Variants in SCP2 observed in about 807,000 individuals in gnomAD.
The protein encoded by SCP2 is sterol carrier protein 2, also known as SCP-2/3-oxoacyl-CoA thiolase.
Under a neutral mutation model 71.4 loss-of-function variants are expected in SCP2, and 48 were observed. The ratio of observed to expected loss-of-function variants is 0.67; its 90% CI spans 0.53 to 0.86. The LOEUF (loss-of-function observed/expected upper bound fraction) is 0.86. Among genes scored for constraint, SCP2 ranks in the 40% least tolerant of loss-of-function variants. SCP2 has a pLI of 0.00. For synonymous variants in SCP2, 220 were observed against 218.1 expected (o/e 1.01, Z -0.08); for missense variants, 560 against 655.6 (o/e 0.85, Z 1.59).
chr1:52,956,623 C>T (rs576283453), intron 5 of SCP2, among the ~76,000 whole-genome samples: 54 of 152,190 alleles, frequency 3.5e-4, no homozygotes, highest in Non-Finnish European at 4.1e-4. Flanking sequence ...GCATCATGAG[C>T]CTAGTCATGG....
intron 11 of SCP2, among the ~76,000 whole-genome samples, chr1:53,003,612 T>G (rs933128322): frequency 2.6e-5 from 4 of 152,182 alleles, no homozygotes; most frequent in Non-Finnish European, 4.4e-5. Flanking sequence ...CTCTACTTCC[T>G]GGGCTCAAGT....
Position 52,944,017 on chromosome 1 carries a change from G to A in SCP2, c.127+2164G>A, listed in dbSNP as rs1654534422. ...GTGCTGGTGATAGAGAGGGGCAGCAGTGCTGGAACACCTAAATAAATGTTT... is the reference window on the plus strand; with the variant it reads ...GTGCTGGTGATAGAGAGGGGCAGCAATGCTGGAACACCTAAATAAATGTTT... On this transcript the variant is annotated intron_variant, in intron 2 of 15. Transcript: ENST00000371514. 3.3e-5 allele frequency: 7 copies of A among 212,414 alleles called. No homozygotes were observed. The South Asian group carries it at 6.3e-4, about 19-fold the overall frequency. The allele number at this position is 212,414 out of a possible 1,614,324, so 13.2% of individuals were successfully genotyped here. A position where few individuals can be genotyped will look rare whatever the true frequency, so the allele number is the denominator to read the frequency against.
At chr1:52,970,369 C>A (rs1312809568) in intron 6 of SCP2, among the ~76,000 whole-genome samples, 1 of 152,162 alleles carries the variant, frequency 6.6e-6, no homozygotes, top group South Asian at 2.1e-4. Flanking sequence ...CCTGTCTCAG[C>A]GTCCTGAGTC....
In SCP2 at chr1:53,014,895, G is replaced by A; in HGVS notation, c.1087G>A (p.Ala363Thr). 1.2e-6 allele frequency: 2 copies of A among 1,613,016 alleles called. No homozygotes were observed. Among genetic ancestry groups the A allele is most frequent in the Non-Finnish European group, 1.7e-6 (2 of 1,179,844 alleles). ...KGHPLGATGL[A>T]QCAELCWQLR... ...CTCTGTGTTCGATTTGTTAGGTCTT[G>A]CTCAGTGTGCAGAACTCTGCTGGCA... Residue 363 changes from alanine to threonine, a missense_variant, in exon 12 of 16, where the codon GCT becomes ACT. Coordinates refer to ENST00000371514, the MANE Select transcript of SCP2 (RefSeq NM_002979.5).
intron 11 of SCP2, chr1:52,995,710 C>T (rs1469370312): frequency 8.1e-5 from 61 of 757,122 alleles, no homozygotes; most frequent in Middle Eastern, 2.5e-4. Context: ...ACAGCAGCTA[C>T]TTTGTGGAGT....
chr1:53,021,098 C>G (rs1336062454), intron 12 of SCP2, among the ~76,000 whole-genome samples: 1 of 151,962 alleles, frequency 6.6e-6, no homozygotes, highest in Non-Finnish European at 1.5e-5. Context: ...CTCGACCTCC[C>G]CAGGCTCAGA....
intron 14 of SCP2, among the ~76,000 whole-genome samples, chr1:53,043,695 T>C (rs138765565): frequency 4.9e-4 from 74 of 152,304 alleles, no homozygotes; most frequent in African/African-American, 1.6e-3. Context: ...AATGCTGATA[T>C]TATAGCAGCA....
intron 12 of SCP2, among the ~76,000 whole-genome samples, chr1:53,015,835 C>G (rs1293408103): frequency 6.6e-6 from 1 of 152,180 alleles, no homozygotes; most frequent in East Asian, 1.9e-4. Context: ...TTTTACCTCA[C>G]CACTGAGGTC....
chr1:52,984,593 A>G (rs767494983), intron 10 of SCP2, among the ~76,000 whole-genome samples: 7 of 150,238 alleles, frequency 4.7e-5, no homozygotes, highest in Non-Finnish European at 1.0e-4. Context: ...GCTGGAGTGC[A>G]GTGGCGCTAT....
chr1:53,007,214 TCAA>T (rs1205451443), intron 11 of SCP2, among the ~76,000 whole-genome samples: 1 of 151,702 alleles, frequency 6.6e-6, no homozygotes, highest in Non-Finnish European at 1.5e-5. Context: ...CAACATTAGA[TCAA>T]CGAGAGAGAA....
chr1:52,999,534 A>G (rs1350514927), intron 11 of SCP2, among the ~76,000 whole-genome samples: 1 of 152,178 alleles, frequency 6.6e-6, no homozygotes, highest in Non-Finnish European at 1.5e-5. Context: ...TTTTGTTTAG[A>G]TCTGGATGAA....
At chr1:52,974,737 C>G (rs775915586) in intron 6 of SCP2, 32 bp from the exon 7 acceptor site, 1 of 1,119,918 alleles carries the variant, frequency 8.9e-7, no homozygotes, top group East Asian at 2.4e-5. Flanking sequence ...GAAAAACATT[C>G]ACCCACTGGT....
intron 11 of SCP2, among the ~76,000 whole-genome samples, chr1:52,999,003 T>A (rs1660130305): frequency 6.6e-6 from 1 of 152,152 alleles, no homozygotes; most frequent in Admixed American, 6.5e-5. Context: ...TGATAACCCT[T>A]TCTAACATTT....
intron 11 of SCP2, among the ~76,000 whole-genome samples, chr1:52,989,112 C>T (rs1395991504): frequency 6.6e-6 from 1 of 152,172 alleles, no homozygotes; most frequent in Non-Finnish European, 1.5e-5. Context: ...GTTATTGTTT[C>T]CATACACTTA....
At chr1:53,015,162 A>C in intron 12 of SCP2, 119 bp downstream of exon 12, 2 of 1,000,936 alleles carry the variant, frequency 2.0e-6, no homozygotes, top group Non-Finnish European at 3.1e-6. Flanking sequence ...AAAGTATCTC[A>C]TTACATTGTT....
At chr1:52,995,004 T>A in intron 11 of SCP2, 1 of 505,972 alleles carries the variant, frequency 2.0e-6, no homozygotes, top group South Asian at 1.6e-5. Context: ...TTGTTTTTGG[T>A]CAATCTGGGG....
chr1:52,948,674 TA>T (rs1178293662), intron 3 of SCP2, among the ~76,000 whole-genome samples: 1 of 150,726 alleles, frequency 6.6e-6, no homozygotes, highest in East Asian at 1.9e-4. Flanking sequence ...AAATGTATTA[TA>T]ATTTATTTTA....
intron 2 of SCP2, among the ~76,000 whole-genome samples, chr1:52,945,029 C>G (rs990554473): frequency 7.2e-5 from 11 of 151,936 alleles, no homozygotes; most frequent in Non-Finnish European, 1.3e-4. Context: ...ATTATAAGAG[C>G]AATGCATGTG....
intron 8 of SCP2, among the ~76,000 whole-genome samples, chr1:52,977,630 T>A (rs572570186): frequency 8.5e-5 from 13 of 152,354 alleles, no homozygotes; most frequent in African/African-American, 2.9e-4. Flanking sequence ...AGATGCCTTA[T>A]GCATCTCCAG....
Sources: gnomAD v4.1 joint callset for allele counts (sites outside exome capture counted in the v4.1 genomes callset) on GRCh38, gnomAD v4.1.1 for gene constraint, MANE v1.5 for transcripts, NCBI Gene and HGNC (gene_info 2026-07-23, HGNC 2026-07-21) for gene names.